The following ESYT2 variants were observed in gnomAD, a reference collection of about 807,000 sequenced individuals.
ESYT2 encodes extended synaptotagmin-2.
Under a neutral mutation model 107.2 loss-of-function variants are expected in ESYT2, and 54 were observed. The observed-to-expected ratio is 0.50, with a 90% CI of 0.40 to 0.63. The LOEUF (loss-of-function observed/expected upper bound fraction) is 0.63, where lower values mean the gene tolerates loss of function less well. ESYT2 is among the 30% of genes least tolerant of loss of function. The probability of loss-of-function intolerance (pLI) is 0.00; values close to 1 mark genes in which losing one functional copy is unlikely to be tolerated. For synonymous variants in ESYT2, 491 were observed against 434.1 expected, an observed-to-expected ratio of 1.13 and a Z score of -1.63; for missense variants, 1,020 against 1,094.5, an observed-to-expected ratio of 0.93 and a Z score of 0.96.
intron 13 of ESYT2, among the ~76,000 whole-genome samples, chr7:158,753,585 G>A (rs569142706): frequency 2.2e-4 from 33 of 149,806 alleles, no homozygotes; most frequent in African/African-American, 7.8e-4. Context: ...GTGACAAGCT[G>A]AACTAAATGT....
chr7:158,764,958 G>T, intron 8 of ESYT2, 105 bp from the exon 9 acceptor site: 2 of 1,144,098 alleles, frequency 1.7e-6, no homozygotes, highest in Non-Finnish European at 1.3e-6. Flanking sequence ...GGAGTGCCGA[G>T]GGAATAAAGA....
intron 1 of ESYT2, among the ~76,000 whole-genome samples, chr7:158,821,729 C>CCTT (rs1244463413): frequency 6.6e-6 from 1 of 152,202 alleles, no homozygotes; most frequent in African/African-American, 2.4e-5. Flanking sequence ...CTGAGTGCAG[C>CCTT]CTTCTACCAG....
intron 18 of ESYT2, among the ~76,000 whole-genome samples, chr7:158,740,671 T>G (rs1324683277): frequency 1.3e-5 from 2 of 152,168 alleles, no homozygotes; most frequent in Admixed American, 1.3e-4. Flanking sequence ...AGAAAAAGTG[T>G]TTCCTTGTTT....
At chr7:158,761,924 T>C (rs842436) in intron 10 of ESYT2, among the ~76,000 whole-genome samples, 143,276 of 152,262 alleles carry the variant, frequency 0.94, 67,462 homozygotes, top group Middle Eastern at 0.96. Flanking sequence ...CACGTCCTCT[T>C]GGAACGTCTT....
chr7:158,760,027 T>C (rs1437661546), intron 12 of ESYT2, 31 bp downstream of exon 12: 15 of 1,604,596 alleles, frequency 9.3e-6, no homozygotes, highest in Admixed American at 1.7e-5. Flanking sequence ...GTTGGTTAGG[T>C]AGTTTTCAAG....
intron 1 of ESYT2, 41 bp downstream of exon 1, chr7:158,829,048 C>T (rs1840548515): frequency 3.8e-6 from 6 of 1,562,904 alleles, no homozygotes; most frequent in South Asian, 1.1e-5. Flanking sequence ...GAGATCGGGA[C>T]TGGTGGTCAG....
At chr7:158,757,592 C>T (rs1033349701) in intron 13 of ESYT2, among the ~76,000 whole-genome samples, 5 of 151,726 alleles carry the variant, frequency 3.3e-5, no homozygotes, top group South Asian at 2.1e-4. Flanking sequence ...GCTCGCGGGA[C>T]GCCCCTTAAT....
intron 3 of ESYT2, among the ~76,000 whole-genome samples, chr7:158,795,005 GA>G (rs1258498650): frequency 1.3e-5 from 2 of 152,246 alleles, no homozygotes; most frequent in East Asian, 3.9e-4. Flanking sequence ...TCTAATAAGT[GA>G]AAATGGGGCA....
At chr7:158,779,108 A>G (rs1269697333) in intron 6 of ESYT2, among the ~76,000 whole-genome samples, 2 of 152,272 alleles carry the variant, frequency 1.3e-5, no homozygotes, top group Non-Finnish European at 2.9e-5. Flanking sequence ...CAAACTATCT[A>G]GATAAAACTT....
chr7:158,815,087 T>C (rs1472674072), intron 1 of ESYT2, among the ~76,000 whole-genome samples: 1 of 152,216 alleles, frequency 6.6e-6, no homozygotes, highest in Non-Finnish European at 1.5e-5. Context: ...GACTTCCATG[T>C]AAAGAGTTAG....
intron 6 of ESYT2, among the ~76,000 whole-genome samples, chr7:158,784,871 G>A (rs909271579): frequency 6.6e-6 from 1 of 152,186 alleles, no homozygotes; most frequent in Admixed American, 6.5e-5. Context: ...TGGGCTGGAA[G>A]ACTCCAAAAG....
intron 1 of ESYT2, among the ~76,000 whole-genome samples, chr7:158,815,125 C>G (rs1312849040): frequency 6.6e-6 from 1 of 152,202 alleles, no homozygotes; most frequent in Admixed American, 6.5e-5. Context: ...GTGCTAAGCA[C>G]ATTCACCGTT....
intron 17 of ESYT2, among the ~76,000 whole-genome samples, chr7:158,743,259 A>G (rs1160000614): frequency 9.2e-5 from 14 of 152,208 alleles, no homozygotes; most frequent in Non-Finnish European, 2.1e-4. Context: ...CTGGGTTCAC[A>G]GGAAAGCACT....
At chr7:158,808,533 T>C in intron 1 of ESYT2, among the ~76,000 whole-genome samples, 1 of 152,242 alleles carries the variant, frequency 6.6e-6, no homozygotes, top group East Asian at 1.9e-4. Context: ...ACTTACTAAG[T>C]ATCATACGCT....
intron 1 of ESYT2, among the ~76,000 whole-genome samples, chr7:158,807,035 G>A (rs922640233): frequency 6.6e-6 from 1 of 151,408 alleles, no homozygotes; most frequent in Non-Finnish European, 1.5e-5. Context: ...ATATATATAT[G>A]AGAAACTACA....
intron 20 of ESYT2, among the ~76,000 whole-genome samples, chr7:158,736,016 T>G (rs928556846): frequency 1.3e-5 from 2 of 152,088 alleles, no homozygotes; most frequent in African/African-American, 4.8e-5. Flanking sequence ...TCCCACCATC[T>G]CCAATAAAAA....
chr7:158,796,189 G>C (rs1374723075), intron 3 of ESYT2, among the ~76,000 whole-genome samples: 1 of 152,202 alleles, frequency 6.6e-6, no homozygotes, highest in Non-Finnish European at 1.5e-5. Flanking sequence ...GTGTTTACAA[G>C]AACTATCACG....
chr7:158,804,299 T>C (rs2602559), intron 1 of ESYT2, among the ~76,000 whole-genome samples: 3,202 of 23,958 alleles, frequency 0.13, 310 homozygotes, highest in East Asian at 0.43. Context: ...ACCCAAACCG[T>C]CGAGAAGGGT....
intron 19 of ESYT2, among the ~76,000 whole-genome samples, chr7:158,738,201 A>T (rs1394338865): frequency 1.3e-5 from 2 of 151,222 alleles, no homozygotes; most frequent in Non-Finnish European, 2.9e-5. Context: ...AATCCCACCT[A>T]CTCGGGTGGC....
Sources: gnomAD v4.1 joint callset for allele counts (sites outside exome capture counted in the v4.1 genomes callset) on GRCh38, gnomAD v4.1.1 for gene constraint, MANE v1.5 for transcripts, NCBI Gene and HGNC (gene_info 2026-07-23, HGNC 2026-07-21) for gene names.